RIN2: variants seen among roughly 807,000 people sequenced by gnomAD.
RIN2 encodes the protein Ras and Rab interactor 2.
A neutral mutation model predicts 78.0 loss-of-function variants in RIN2; 36 were observed. The observed-to-expected ratio is 0.46, with a 90% confidence interval of 0.35 to 0.61. The LOEUF is 0.61. Ranked by LOEUF, RIN2 falls within the 20% of genes least tolerant of loss-of-function variation. The pLI is 0.00. For synonymous variants in RIN2, 466 were observed against 466.8 expected, an observed-to-expected ratio of 1.00 and a Z score of 0.02; for missense variants, 1,087 against 1,159.7, an observed-to-expected ratio of 0.94 and a Z score of 0.91.
chr20:19,857,661 G>T (rs1027169789), intron 2 of RIN2, among the ~76,000 whole-genome samples: 2 of 152,034 alleles, frequency 1.3e-5, no homozygotes, highest in Non-Finnish European at 2.9e-5. Context: ...ATTCCAGAGG[G>T]TGCATGGGAG....
chr20:19,895,995 T>C (rs2038702232), intron 3 of RIN2: 1 of 152,212 alleles, frequency 6.6e-6, no homozygotes, highest in Admixed American at 6.5e-5. Context: ...CTGGTCCAAC[T>C]GCACATCTCA....
intron 2 of RIN2, among the ~76,000 whole-genome samples, chr20:19,880,279 A>G (rs1213117152): frequency 6.7e-6 from 1 of 148,304 alleles, no homozygotes; most frequent in Non-Finnish European, 1.5e-5. Flanking sequence ...AATTTCCAGC[A>G]TGTTTTGTGG....
intron 6 of RIN2, among the ~76,000 whole-genome samples, chr20:19,961,046 C>G (rs1568665859): frequency 6.6e-6 from 1 of 152,184 alleles, no homozygotes; most frequent in Non-Finnish European, 1.5e-5. Context: ...AGTGTGCAGC[C>G]TACTGCATGG....
intron 2 of RIN2, among the ~76,000 whole-genome samples, chr20:19,884,332 G>A (rs2038114973): frequency 6.6e-6 from 1 of 152,092 alleles, no homozygotes; most frequent in South Asian, 2.1e-4. Context: ...GGCTGAGGTG[G>A]GAGAATCACT....
At chr20:19,835,408 AT>A (rs1181664979) in intron 2 of RIN2, among the ~76,000 whole-genome samples, 10 of 152,324 alleles carry the variant, frequency 6.6e-5, no homozygotes, top group Admixed American at 3.3e-4. Context: ...CTTCATTAAA[AT>A]TTTTTGAGGG....
chr20:19,980,662 G>A (rs1048005008), intron 9 of RIN2, among the ~76,000 whole-genome samples: 2 of 152,172 alleles, frequency 1.3e-5, no homozygotes, highest in Non-Finnish European at 2.9e-5. Context: ...CTAAAATGCT[G>A]CACGAATTGT....
chr20:19,908,502 A>AAAAG (rs566561996), intron 3 of RIN2, among the ~76,000 whole-genome samples: 1 of 151,158 alleles, frequency 6.6e-6, no homozygotes, highest in African/African-American at 2.5e-5. Context: ...AAAAAAAAAA[A>AAAAG]AAAGAAAGAA....
At chr20:19,903,580 T>C (rs2039083633) in intron 3 of RIN2, among the ~76,000 whole-genome samples, 1 of 152,152 alleles carries the variant, frequency 6.6e-6, no homozygotes, top group East Asian at 1.9e-4. Flanking sequence ...GGAAATATTT[T>C]TGGTTGCCAC....
At chr20:19,884,726 A>T (rs2123458473) in intron 2 of RIN2, among the ~76,000 whole-genome samples, 1 of 152,342 alleles carries the variant, frequency 6.6e-6, no homozygotes, top group Non-Finnish European at 1.5e-5. Context: ...TAATACAAAG[A>T]TAATTATGGA....
chr20:19,816,855 GATGA>G (rs1398354497), intron 2 of RIN2, among the ~76,000 whole-genome samples: 5 of 152,276 alleles, frequency 3.3e-5, no homozygotes, highest in Non-Finnish European at 5.9e-5. Flanking sequence ...CAAATTTCAG[GATGA>G]ATAAGAGAAA....
chr20:19,968,502 G>C (rs764759086), intron 7 of RIN2, among the ~76,000 whole-genome samples: 4 of 152,134 alleles, frequency 2.6e-5, no homozygotes, highest in Non-Finnish European at 5.9e-5. Context: ...TGTGTGTGAA[G>C]ATGCTGGGAT....
At chr20:19,811,840 C>T (rs1189927809) in intron 2 of RIN2, among the ~76,000 whole-genome samples, 8 of 149,526 alleles carry the variant, frequency 5.4e-5, no homozygotes, top group African/African-American at 2.0e-4. Context: ...AGAATATGCT[C>T]CCATTTTAAA....
chr20:19,983,189 T>C (rs913623850), intron 9 of RIN2, among the ~76,000 whole-genome samples: 1 of 152,246 alleles, frequency 6.6e-6, no homozygotes, highest in African/African-American at 2.4e-5. Context: ...TTCTGATCCT[T>C]AATCCAATAA....
At chr20:19,953,561 C>T (rs1484494689) in intron 4 of RIN2, among the ~76,000 whole-genome samples, 2 of 152,098 alleles carry the variant, frequency 1.3e-5, no homozygotes, top group Non-Finnish European at 2.9e-5. Flanking sequence ...CCGCCCTAGC[C>T]TCCTGAGTAG....
chr20:19,849,488 G>A (rs2036892186), intron 2 of RIN2, among the ~76,000 whole-genome samples: 1 of 152,196 alleles, frequency 6.6e-6, no homozygotes, highest in Non-Finnish European at 1.5e-5. Flanking sequence ...CTGCTCAGCA[G>A]CAAAGTTGCA....
At chr20:19,760,733 A>G (rs1402299596) in intron 1 of RIN2, among the ~76,000 whole-genome samples, 2 of 152,144 alleles carry the variant, frequency 1.3e-5, no homozygotes, top group African/African-American at 2.4e-5. Flanking sequence ...TCTGTATTAT[A>G]GTGCTTTGAC....
intron 3 of RIN2, among the ~76,000 whole-genome samples, chr20:19,904,263 A>T (rs916977880): frequency 2.7e-5 from 4 of 146,822 alleles, no homozygotes; most frequent in African/African-American, 5.0e-5. Context: ...ATATATATAA[A>T]ATATATATAT....
rs753548317 is a variant in RIN2 at position 20,002,349 on chromosome 20, G to A, written c.*1413G>A. On this transcript the variant is annotated 3_prime_UTR_variant, in exon 13 of 13. Transcript: ENST00000255006. ...GGCTTTTGTTGAACTAGAACCCTCA[G>A]CACATACTGTGTTGTACTTTTGTAA... 2.8e-4 allele frequency: 42 copies of A among 152,102 alleles called. No individual in the cohort carries two copies. Among genetic ancestry groups the A allele is most frequent in the Admixed American group, 2.2e-3 (33 of 15,194 alleles). 9.4% of individuals were successfully genotyped at this position (152,102 alleles called of 1,614,324 possible). A position where few individuals can be genotyped will look rare whatever the true frequency, so the allele number is the denominator to read the frequency against.
chr20:19,908,218 G>A (rs1237513464), intron 3 of RIN2, among the ~76,000 whole-genome samples: 2 of 152,166 alleles, frequency 1.3e-5, no homozygotes, highest in African/African-American at 2.4e-5. Context: ...TCGGCCAGGC[G>A]CGGTGGCTCA....
Sources: allele counts gnomAD v4.1 joint callset (sites outside exome capture counted in the v4.1 genomes callset), GRCh38; gene constraint gnomAD v4.1.1; transcripts MANE v1.5; gene names NCBI Gene and HGNC (gene_info 2026-07-23, HGNC 2026-07-21).